PEMT: variants seen among roughly 807,000 people sequenced by gnomAD.
PEMT encodes the protein phosphatidylethanolamine N-methyltransferase.
In PEMT, 23 loss-of-function variants were observed where a neutral mutation model predicts 27.4. The ratio of observed to expected loss-of-function variants is 0.84; its 90% confidence interval spans 0.60 to 1.19. The LOEUF is 1.19. Among genes scored for constraint, PEMT ranks in the 50% most tolerant of loss-of-function variants. The pLI is 0.00. For missense variants in PEMT, 307 were observed against 310.1 expected (o/e 0.99, Z 0.07); for synonymous variants, 137 against 139.1 (o/e 0.98, Z 0.11).
At chr17:17,577,668 G>T (rs994857470) in intron 1 of PEMT, among the ~76,000 whole-genome samples, 1 of 118,726 alleles carries the variant, frequency 8.4e-6, no homozygotes, top group Non-Finnish European at 1.8e-5. Flanking sequence ...AAGAAATGAA[G>T]AAAAAAAAAA....
intron 2 of PEMT, among the ~76,000 whole-genome samples, chr17:17,568,392 A>G (rs1231911676): frequency 6.6e-6 from 1 of 152,210 alleles, no homozygotes; most frequent in East Asian, 1.9e-4. Flanking sequence ...TGATTTTTCT[A>G]TGTAACATCT....
intron 2 of PEMT, among the ~76,000 whole-genome samples, chr17:17,541,405 A>C (rs1487834607): frequency 6.6e-6 from 1 of 152,192 alleles, no homozygotes; most frequent in Non-Finnish European, 1.5e-5. Flanking sequence ...AGCATCGTGG[A>C]CCGTGGCCCG....
intron 5 of PEMT, chr17:17,507,133 C>T: frequency 6.4e-7 from 1 of 1,551,682 alleles, no homozygotes; most frequent in Non-Finnish European, 8.7e-7. Flanking sequence ...GAAATAGCTG[C>T]CGTCAAGCTG....
chr17:17,518,258 G>A (rs897455), intron 3 of PEMT: 673,953 of 673,960 alleles, frequency 1, 336,973 homozygotes, highest in Middle Eastern at 1. Flanking sequence ...TGTGAAGCCC[G>A]TTCGAGCCCT....
At chr17:17,505,989 A>G in intron 6 of PEMT, 141 bp from the exon 7 acceptor site, 6 of 1,353,788 alleles carry the variant, frequency 4.4e-6, no homozygotes, top group Admixed American at 2.8e-5. Context: ...CTGGGGCAAC[A>G]CTGACTTGGA....
At chr17:17,555,790 C>T (rs575186164) in intron 2 of PEMT, among the ~76,000 whole-genome samples, 162 of 152,316 alleles carry the variant, frequency 1.1e-3, no homozygotes, top group African/African-American at 3.6e-3. Flanking sequence ...CCCTCTGGGG[C>T]GGAAGCCACC....
intron 2 of PEMT, among the ~76,000 whole-genome samples, chr17:17,525,681 G>C (rs1907614149): frequency 6.6e-6 from 1 of 152,144 alleles, no homozygotes; most frequent in Non-Finnish European, 1.5e-5. Flanking sequence ...GGACCCTCCA[G>C]GTAAATGTAA....
chr17:17,553,858 T>C (rs1166135726), intron 2 of PEMT, among the ~76,000 whole-genome samples: 2 of 152,226 alleles, frequency 1.3e-5, no homozygotes, highest in African/African-American at 2.4e-5. Flanking sequence ...AAAGCTGCCA[T>C]GTCCCTGCCA....
chr17:17,591,270 A>C (rs1225923453), intron 1 of PEMT, among the ~76,000 whole-genome samples: 2 of 152,286 alleles, frequency 1.3e-5, no homozygotes, highest in East Asian at 3.9e-4. Flanking sequence ...GGCCACACAC[A>C]GGCACACAAT....
At chr17:17,508,771 A>G in intron 5 of PEMT, 1 of 468,316 alleles carries the variant, frequency 2.1e-6, no homozygotes, top group Non-Finnish European at 4.4e-6. Context: ...GCTGAGGCCG[A>G]CAGCAGTTCT....
chr17:17,517,965 T>C, intron 3 of PEMT: 3 of 985,474 alleles, frequency 3.0e-6, no homozygotes, highest in Non-Finnish European at 3.6e-6. Flanking sequence ...TAGCCCAGCC[T>C]GGGAATACCT....
Position 17,561,072 on chromosome 17 carries a change from C to T in PEMT, c.204+15848G>A, listed in dbSNP as rs4244597. On this transcript the variant is annotated intron_variant, in intron 2 of 6. Coordinates refer to ENST00000255389, the MANE Select transcript of PEMT (RefSeq NM_148172.3). This position sits in a 1 kb window ranked among gnomAD's most constrained non-coding sequence, Gnocchi z 4.5. ...CTTCCTCCAGACCCCACACTCAAAT[C>T]CTATTTGCCTCAGGTTCCAGGGAGT... 9.7e-3 allele frequency among the ~76,000 whole-genome samples: 1,483 copies of T among 152,158 alleles called. 28 individuals are homozygous for T. The highest frequency in any genetic ancestry group is 0.033 in the African/African-American group (1,377 of 41,518).
In PEMT at chr17:17,582,440, C is replaced by G; in HGVS notation, c.97-5413G>C. 8 of 985,428 alleles carry G rather than the reference C, an allele frequency of 8.1e-6. No individual in the cohort carries two copies. Among genetic ancestry groups the G allele is most frequent in the Non-Finnish European group, 9.6e-6 (8 of 829,880 alleles). The allele number at this position is 985,428 out of a possible 1,614,324, so 61.0% of individuals were successfully genotyped here. On this transcript the variant is annotated intron_variant, in intron 1 of 6. Coordinates refer to ENST00000255389, the MANE Select transcript of PEMT (RefSeq NM_148172.3). The surrounding 1 kb of genome is among the most constrained non-coding windows in gnomAD (Gnocchi z 4.9). ...CAGCGCTCTGTGGTCAGGGAATGATCTGCAGTGGGTCAACATGTCACATTG... is the reference window on the plus strand; with the variant it reads ...CAGCGCTCTGTGGTCAGGGAATGATGTGCAGTGGGTCAACATGTCACATTG...
chr17:17,549,858 G>A (rs566208724), intron 2 of PEMT, among the ~76,000 whole-genome samples: 66 of 152,294 alleles, frequency 4.3e-4, no homozygotes, highest in African/African-American at 1.4e-3. Flanking sequence ...GCACGTCCTC[G>A]TCTGGGCCAC....
At chr17:17,585,280 G>C (rs993412863) in intron 1 of PEMT, among the ~76,000 whole-genome samples, 1 of 152,242 alleles carries the variant, frequency 6.6e-6, no homozygotes, top group African/African-American at 2.4e-5. Context: ...GGAGGTTGCA[G>C]TGAGCTGAGG....
At chr17:17,577,972 G>T (rs1330105700) in intron 1 of PEMT, among the ~76,000 whole-genome samples, 4 of 146,528 alleles carry the variant, frequency 2.7e-5, no homozygotes, top group African/African-American at 7.6e-5. Context: ...AGCAGAGATC[G>T]CGCCACTGCA....
chr17:17,560,893 G>T (rs768999047), intron 2 of PEMT, among the ~76,000 whole-genome samples: 1 of 151,578 alleles, frequency 6.6e-6, no homozygotes, highest in Non-Finnish European at 1.5e-5. Flanking sequence ...TGTCCTTCCC[G>T]CTCCCAAGAC....
In PEMT at chr17:17,512,736, G is replaced by A. The variant is rs982775045; in HGVS notation, c.321-82C>T. 2.2e-5 allele frequency: 29 copies of A among 1,330,202 alleles called. No individual in the cohort carries two copies. Among genetic ancestry groups the A allele is most frequent in the Non-Finnish European group, 2.8e-5 (28 of 1,012,810 alleles). 82.4% of individuals were successfully genotyped at this position (1,330,202 alleles called of 1,614,324 possible). On this transcript the variant is annotated intron_variant, in intron 3 of 6. Coordinates refer to ENST00000255389, the MANE Select transcript of PEMT (RefSeq NM_148172.3). The surrounding 1 kb of genome is among the most constrained non-coding windows in gnomAD (Gnocchi z 6.3). The stretch of plus-strand genomic sequence containing the variant: ...GGGAGGAGGCCGACCTCATCTTCTC[G>A]CCCTCTCCCCAGGGACCCTTAGAGA...
chr17:17,567,152 G>A (rs111846705), intron 2 of PEMT, among the ~76,000 whole-genome samples: 1 of 152,342 alleles, frequency 6.6e-6, no homozygotes, highest in African/African-American at 2.4e-5. Context: ...GGGATGGGCC[G>A]GCTCAGTGGA....
Sources: allele counts gnomAD v4.1 joint callset (sites outside exome capture counted in the v4.1 genomes callset), GRCh38; gene constraint gnomAD v4.1.1; non-coding constraint Gnocchi (gnomAD v3.1); transcripts MANE v1.5; gene names NCBI Gene and HGNC (gene_info 2026-07-23, HGNC 2026-07-21).